ST6GAL2: variants seen among roughly 807,000 people sequenced by gnomAD.
The protein encoded by ST6GAL2 is ST6 beta-galactoside alpha-2,6-sialyltransferase 2.
Under a neutral mutation model 37.5 loss-of-function variants are expected in ST6GAL2, and 24 were observed. The observed-to-expected ratio is 0.64, with a 90% CI of 0.46 to 0.90. The LOEUF is 0.90. Ranked by LOEUF, ST6GAL2 falls within the 40% of genes least tolerant of loss-of-function variation. The pLI is 0.00. For missense variants in ST6GAL2, 715 were observed against 712.7 expected (o/e 1.00, Z -0.04); for synonymous variants, 306 against 295.1 (o/e 1.04, Z -0.38).
At chr2:106,863,333 G>A (rs922495910) in intron 1 of ST6GAL2, among the ~76,000 whole-genome samples, 6 of 152,212 alleles carry the variant, frequency 3.9e-5, no homozygotes, top group African/African-American at 1.4e-4. Flanking sequence ...ATACAGAACA[G>A]ATTGGATCAT....
At chr2:106,807,528 A>G (rs1385412318) in intron 5 of ST6GAL2, among the ~76,000 whole-genome samples, 1 of 152,220 alleles carries the variant, frequency 6.6e-6, no homozygotes, top group African/African-American at 2.4e-5. Context: ...ATTCATATTA[A>G]CAAAATTATT....
intron 1 of ST6GAL2, among the ~76,000 whole-genome samples, chr2:106,844,654 AT>A: frequency 6.6e-6 from 1 of 152,308 alleles, no homozygotes. Flanking sequence ...GGTGAATGTT[AT>A]TTCAGGGTGC....
At chr2:106,833,318 G>A (rs1473552857) in intron 3 of ST6GAL2, among the ~76,000 whole-genome samples, 1 of 152,010 alleles carries the variant, frequency 6.6e-6, no homozygotes. Flanking sequence ...GTAAAAAGTT[G>A]TTATTAAATG....
chr2:106,847,721 A>G (rs1677198012), intron 1 of ST6GAL2, among the ~76,000 whole-genome samples: 1 of 152,218 alleles, frequency 6.6e-6, no homozygotes, highest in Admixed American at 6.5e-5. Flanking sequence ...GACTAACAGA[A>G]GTCAGGAAAG....
chr2:106,878,794 C>A (rs1678616806), intron 1 of ST6GAL2, among the ~76,000 whole-genome samples: 1 of 152,112 alleles, frequency 6.6e-6, no homozygotes, highest in African/African-American at 2.4e-5. Context: ...AATACTGGAA[C>A]CAATCCCCTA....
At chr2:106,824,638 A>G (rs528682097) in intron 5 of ST6GAL2, among the ~76,000 whole-genome samples, 1 of 152,332 alleles carries the variant, frequency 6.6e-6, no homozygotes, top group South Asian at 2.1e-4. Context: ...TCTCAAAACA[A>G]ACAAACAAAC....
chr2:106,886,526 C>G (rs1171108833), upstream of ST6GAL2: 1 of 151,848 alleles, frequency 6.6e-6, no homozygotes, highest in East Asian at 2.0e-4. Context: ...AGGCTACGCT[C>G]AGCCCCGCGC....
intron 1 of ST6GAL2, among the ~76,000 whole-genome samples, chr2:106,854,205 T>A (rs571227761): frequency 6.6e-6 from 1 of 152,170 alleles, no homozygotes; most frequent in South Asian, 2.1e-4. Flanking sequence ...CAGAGTGAGA[T>A]AGATAATGCC....
chr2:106,849,285 A>G (rs1677264087), intron 1 of ST6GAL2, among the ~76,000 whole-genome samples: 1 of 152,050 alleles, frequency 6.6e-6, no homozygotes, highest in African/African-American at 2.4e-5. Flanking sequence ...AACATGAAAA[A>G]CTGAATTTCC....
chr2:106,857,245 G>A (rs2104568180), intron 1 of ST6GAL2, among the ~76,000 whole-genome samples: 1 of 152,290 alleles, frequency 6.6e-6, no homozygotes, highest in East Asian at 1.9e-4. Context: ...GGAAAAGCCA[G>A]CCATGAGGTG....
intron 1 of ST6GAL2, among the ~76,000 whole-genome samples, chr2:106,860,159 C>T (rs1274834378): frequency 6.6e-6 from 1 of 152,204 alleles, no homozygotes; most frequent in Non-Finnish European, 1.5e-5. Flanking sequence ...GCATCCCTTT[C>T]TCTCTACCTC....
At chr2:106,811,273 C>G (rs2104417375) in intron 5 of ST6GAL2, among the ~76,000 whole-genome samples, 1 of 152,180 alleles carries the variant, frequency 6.6e-6, no homozygotes, top group East Asian at 1.9e-4. Flanking sequence ...ACACAAACAC[C>G]TGAAGAATAA....
chr2:106,830,023 C>T (rs376994254), intron 5 of ST6GAL2, 43 bp downstream of exon 5: 79 of 1,557,164 alleles, frequency 5.1e-5, no homozygotes, highest in Non-Finnish European at 6.6e-5. Flanking sequence ...AGATATCATC[C>T]TGTCTGCCCC....
chr2:106,823,516 G>C (rs12052320), intron 5 of ST6GAL2, among the ~76,000 whole-genome samples: 20,824 of 150,428 alleles, frequency 0.14, 2,087 homozygotes, highest in East Asian at 0.49. Flanking sequence ...TCGAGAGAGA[G>C]AGAGAGAGAA....
intron 4 of ST6GAL2, among the ~76,000 whole-genome samples, chr2:106,831,943 TG>T (rs1676441883): frequency 6.6e-6 from 1 of 152,228 alleles, no homozygotes; most frequent in South Asian, 2.1e-4. Context: ...TGGCTTTTCA[TG>T]AAAGGTTTCA....
chr2:106,843,117 C>A lies in ST6GAL2; in HGVS notation c.861G>T (p.Gln287His). The change falls in exon 2 of 6, where the codon CAG becomes CAT. Residue 287 changes from glutamine to histidine, a missense_variant. Coordinates refer to ENST00000409382, the MANE Select transcript of ST6GAL2 (RefSeq NM_001142351.2). ...RRLVPAVPLS[Q>H]LHPRGLRSCA... is the part of the protein sequence containing the mutation. Reference sequence around the variant, plus strand: ...AGCTGCGCAGGCCGCGGGGGTGCAGCTGGCTCAGGGGCACGGCGGGCACCA... The same window carrying A: ...AGCTGCGCAGGCCGCGGGGGTGCAGATGGCTCAGGGGCACGGCGGGCACCA... 6.4e-7 allele frequency: 1 copy of A among 1,566,118 alleles called. No individual in the cohort carries two copies. The highest frequency in any genetic ancestry group is 1.2e-5 in the South Asian group (1 of 84,942).
rs1415663351 is a variant in ST6GAL2, at chr2:106,802,327, G to A, written c.*4351C>T. 1 of 151,618 alleles carries A rather than the reference G, an allele frequency of 6.6e-6. No individual in the cohort carries two copies. The highest frequency in any genetic ancestry group is 1.9e-4 in the East Asian group (1 of 5,166). The allele number at this position is 151,618 out of a possible 1,614,324, so 9.4% of individuals were successfully genotyped here. A position where few individuals can be genotyped will look rare whatever the true frequency, so the allele number is the denominator to read the frequency against. ...TAAAACCAACCATGTGTGTAGATATGTATATACACAATTATATAACTATAT... is the reference window on the plus strand; with the variant it reads ...TAAAACCAACCATGTGTGTAGATATATATATACACAATTATATAACTATAT... On this transcript the variant is annotated 3_prime_UTR_variant, in exon 6 of 6. Coordinates refer to ENST00000409382, the MANE Select transcript of ST6GAL2 (RefSeq NM_001142351.2).
Position 106,881,671 on chromosome 2 carries a change from G to C in ST6GAL2, c.-58+4422C>G, listed in dbSNP as rs1678756369. 8.5e-5 allele frequency among the ~76,000 whole-genome samples: 13 copies of C among 152,254 alleles called. 1 individual carries two copies. In the South Asian group the frequency reaches 2.7e-3, roughly 32 times the overall value. On this transcript the variant is annotated intron_variant, in intron 1 of 5. Coordinates refer to ENST00000409382, the MANE Select transcript of ST6GAL2 (RefSeq NM_001142351.2). ...TTTTAGAAACCACAATTACCAACAT[G>C]CAAGAACCTCTACTTGAAAAATTTG...
At chr2:106,884,940 C>CAT (rs1558739521) in intron 1 of ST6GAL2, among the ~76,000 whole-genome samples, 14 of 96,386 alleles carry the variant, frequency 1.5e-4, no homozygotes, top group South Asian at 1.1e-3. Context: ...TATATACATA[C>CAT]ACACACACAC....
Sources: gnomAD v4.1 joint callset for allele counts (sites outside exome capture counted in the v4.1 genomes callset) on GRCh38, gnomAD v4.1.1 for gene constraint, MANE v1.5 for transcripts, NCBI Gene and HGNC (gene_info 2026-07-23, HGNC 2026-07-21) for gene names.